Variants in CLTCL1 observed in about 807,000 individuals in gnomAD.
The protein encoded by CLTCL1 is clathrin heavy chain like 1.
Under a neutral mutation model 190.0 loss-of-function variants are expected in CLTCL1, and 159 were observed. That is an observed-to-expected ratio of 0.84 (90% CI 0.74 to 0.95). CLTCL1 has a LOEUF of 0.95. Among genes scored for constraint, CLTCL1 ranks in the 40% least tolerant of loss-of-function variants. The pLI is 0.00. For synonymous variants in CLTCL1, 752 were observed against 769.6 expected (o/e 0.98, Z 0.38); for missense variants, 1,878 against 2,033.4 (o/e 0.92, Z 1.47).
rs556244512 is a variant in CLTCL1, at chr22:19,180,659, G to C, written c.4903+72C>G. ...CCATCCCCATCCAAAGCCCAGCCAG[G>C]TAAGGGCAGTGGGACTTTGACTCCC... On this transcript the variant is annotated intron_variant, in intron 31 of 32. Coordinates refer to ENST00000427926, the MANE Select transcript of CLTCL1 (RefSeq NM_007098.4). 5.2e-5 allele frequency: 78 copies of C among 1,488,892 alleles called. No individual in the cohort carries two copies. In the South Asian group the frequency reaches 7.6e-4, roughly 15 times the overall value. The allele number at this position is 1,488,892 out of a possible 1,614,324, so 92.2% of individuals were successfully genotyped here.
At chr22:19,289,533 GCT>G (rs1292694847) in intron 1 of CLTCL1, among the ~76,000 whole-genome samples, 2 of 152,162 alleles carry the variant, frequency 1.3e-5, no homozygotes, top group Admixed American at 1.3e-4. Context: ...CACTAAAGCA[GCT>G]CTTTCATGAC....
In CLTCL1 at chr22:19,187,541, G is replaced by A. The variant is rs1555928900; in HGVS notation, c.4605+17C>T. The A allele has an allele frequency of 6.9e-6, 11 of 1,596,880 alleles. No individual in the cohort carries two copies. Among genetic ancestry groups the A allele is most frequent in the South Asian group, 4.4e-5 (4 of 90,744 alleles). The stretch of plus-strand genomic sequence containing the variant: ...CCAAGGCAGGAAGGTGGGAGGAAAC[G>A]GGCCCAGGCCACCAACCTTGTAGAG... On this transcript the variant is annotated intron_variant, in intron 29 of 32. Transcript: ENST00000427926.
chr22:19,202,494 G>A (rs111429057), intron 22 of CLTCL1, among the ~76,000 whole-genome samples: 1 of 13,794 alleles, frequency 7.2e-5, no homozygotes, highest in African/African-American at 4.1e-4. Context: ...GGTACCTCCC[G>A]CACCACCCCT....
chr22:19,239,272 T>C lies in CLTCL1; in HGVS notation c.795+3A>G. 3.1e-6 allele frequency: 5 copies of C among 1,598,082 alleles called. No individual in the cohort carries two copies. Among genetic ancestry groups the C allele is most frequent in the Non-Finnish European group, 3.4e-6 (4 of 1,165,320 alleles). Reference sequence around the variant, plus strand: ...AGATGTTTAGAGAGCAGCACATTCGTACCTGCATAGCCACTGGAAAATCAT... The same window carrying C: ...AGATGTTTAGAGAGCAGCACATTCGCACCTGCATAGCCACTGGAAAATCAT... On this transcript the variant is annotated splice_donor_region_variant and intron_variant, in intron 5 of 32. Transcript: ENST00000427926.
chr22:19,187,027 G>A (rs1411579023), intron 29 of CLTCL1, among the ~76,000 whole-genome samples: 1 of 150,890 alleles, frequency 6.6e-6, no homozygotes, highest in African/African-American at 2.4e-5. Flanking sequence ...TGACTCCTGA[G>A]CTCAAGTGAT....
intron 30 of CLTCL1, chr22:19,181,064 G>C: frequency 1.9e-6 from 1 of 537,002 alleles, no homozygotes; most frequent in South Asian, 2.3e-5. Context: ...AGTGGGCACT[G>C]GGGCAGTCAG....
chr22:19,224,116 C>T, intron 13 of CLTCL1, 62 bp from the exon 14 acceptor site: 1 of 1,567,774 alleles, frequency 6.4e-7, no homozygotes. Flanking sequence ...TCCGTAGCTG[C>T]TGCCCACCTT....
chr22:19,199,692 A>G, intron 24 of CLTCL1, 42 bp downstream of exon 24: 1 of 1,478,954 alleles, frequency 6.8e-7, no homozygotes. Flanking sequence ...GTGTTTAGGC[A>G]TCACTTGTCA....
At position 19,254,161 on chromosome 22, in the gene CLTCL1, T is replaced by C. The variant is rs782033332; in HGVS notation, c.317A>G (p.Glu106Gly). 18 of 1,613,840 alleles carry C rather than the reference T, an allele frequency of 1.1e-5. No individual in the cohort carries two copies. The East Asian group carries it at 3.8e-4, about 34-fold the overall frequency. ...AACCCATTTCCAGAAAATCACTTCT[T>C]CTGCCATAGTATGAGCCTTCATTTT... ...KSKMKAHTMA[E>G]EVIFWKWVSV... Residue 106 changes from glutamate to glycine, a missense_variant, in exon 3 of 33, where the codon GAA becomes GGA. By Grantham distance (98) the Glu-to-Gly change is moderately conservative. Coordinates refer to ENST00000427926, the MANE Select transcript of CLTCL1 (RefSeq NM_007098.4).
chr22:19,197,922 A>T (rs1339397399), intron 24 of CLTCL1, among the ~76,000 whole-genome samples: 5 of 152,260 alleles, frequency 3.3e-5, no homozygotes, highest in African/African-American at 1.2e-4. Context: ...ATGGATGTGG[A>T]TCACCTATAT....
At position 19,275,617 on chromosome 22, in the gene CLTCL1, G is replaced by T; in HGVS notation, c.250+6C>A. 6 of 1,594,612 alleles carry T rather than the reference G, an allele frequency of 3.8e-6. No individual in the cohort carries two copies. Among genetic ancestry groups the T allele is most frequent in the Non-Finnish European group, 5.1e-6 (6 of 1,169,424 alleles). ...GATTCCTTTCTAACAATCCCATCGG[G>T]TTTACCTTTCAGAGCTATCACCTTA... On this transcript the variant is annotated splice_donor_region_variant and intron_variant, in intron 2 of 32. Coordinates refer to ENST00000427926, the MANE Select transcript of CLTCL1 (RefSeq NM_007098.4).
Position 19,289,343 on chromosome 22 carries a change from A to G in CLTCL1, c.42+2257T>C, listed in dbSNP as rs575576601. On this transcript the variant is annotated intron_variant, in intron 1 of 32. Coordinates refer to ENST00000427926, the MANE Select transcript of CLTCL1 (RefSeq NM_007098.4). ...CAGCCTGCTTTTGTATGGCTAAACT[A>G]AAAGTCTTTTTCATATTTTTAGAAG... Among the ~76,000 whole-genome samples the G allele has an allele frequency of 2.0e-5, 3 of 152,318 alleles. No homozygotes were observed. In the East Asian group the frequency reaches 5.8e-4, roughly 29 times the overall value.
At chr22:19,267,853 C>A (rs2087170559) in intron 2 of CLTCL1, among the ~76,000 whole-genome samples, 1 of 151,848 alleles carries the variant, frequency 6.6e-6, no homozygotes, top group Non-Finnish European at 1.5e-5. Context: ...CAAGATTGCG[C>A]CCCTGCACTC....
rs1339366425 is a variant in CLTCL1, at chr22:19,275,762, G to C, written c.111C>G (p.Phe37Leu). The C allele has an allele frequency of 3.1e-6, 5 of 1,609,926 alleles. No individual in the cohort carries two copies. The highest frequency in any genetic ancestry group is 4.2e-6 in the Non-Finnish European group (5 of 1,178,216). ...CACCAACTTTCTCTCGGATACATAT[G>C]AACTTGTCAGATTCCATGGTCAGTG... ...FSTLTMESDK[F>L]ICIREKVGEQ... The change falls in exon 2 of 33, where the codon TTC becomes TTG. Residue 37 changes from phenylalanine (F) to leucine (L), a missense_variant. Physicochemically the swap from Phe to Leu is conservative, Grantham distance 22. Transcript: ENST00000427926.
At chr22:19,254,878 T>C (rs1398838214) in intron 2 of CLTCL1, among the ~76,000 whole-genome samples, 2 of 152,240 alleles carry the variant, frequency 1.3e-5, no homozygotes, top group East Asian at 1.9e-4. Flanking sequence ...AATAGGGCAG[T>C]ACAATTCTAG....
At position 19,291,717 on chromosome 22, in the gene CLTCL1, G is replaced by A; in HGVS notation, c.-76C>T. 2 of 1,283,338 alleles carry A rather than the reference G, an allele frequency of 1.6e-6. No individual in the cohort carries two copies. Among genetic ancestry groups the A allele is most frequent in the Non-Finnish European group, 2.0e-6 (2 of 1,006,976 alleles). 79.5% of individuals were successfully genotyped at this position (1,283,338 alleles called of 1,614,324 possible). A position where few individuals can be genotyped will look rare whatever the true frequency, so the allele number is the denominator to read the frequency against. On this transcript the variant is annotated 5_prime_UTR_variant, in exon 1 of 33. Transcript: ENST00000427926. The stretch of plus-strand genomic sequence containing the variant: ...CGACCCCTCGCGCGGGCTGACCGGT[G>A]GCGACGGCGCAGGCGCAGTGCCCCG...
At chr22:19,183,782 G>C in intron 29 of CLTCL1, 171 bp from the exon 30 acceptor site, 1 of 659,792 alleles carries the variant, frequency 1.5e-6, no homozygotes. Flanking sequence ...CTGCCCACTG[G>C]TGAAACGGAG....
chr22:19,189,817 T>G (rs2084431401), intron 27 of CLTCL1, among the ~76,000 whole-genome samples: 2 of 152,384 alleles, frequency 1.3e-5, no homozygotes, highest in South Asian at 4.1e-4. Flanking sequence ...GCATATGTAA[T>G]ATTTTGATAC....
Position 19,191,368 on chromosome 22 carries a change from T to C in CLTCL1, c.4259A>G (p.Asn1420Ser), listed in dbSNP as rs376828114. ...FYLDYKPLLI[N>S]DLLLVLSPRL... is the part of the protein sequence containing the mutation. Reference sequence around the variant, plus strand: ...GGGTGAAAGCACCAGCAGCAGGTCATTGATGAGCAGTGGTTTGTAATCCAA... The same window carrying C: ...GGGTGAAAGCACCAGCAGCAGGTCACTGATGAGCAGTGGTTTGTAATCCAA... Residue 1420 changes from asparagine to serine, a missense_variant, in exon 27 of 33, where the codon AAT (asparagine) becomes AGT (serine). By Grantham distance (46) the Asn-to-Ser change is conservative. Transcript: ENST00000427926. 21 of 1,613,858 alleles carry C rather than the reference T, an allele frequency of 1.3e-5. No individual in the cohort carries two copies. Among genetic ancestry groups the C allele is most frequent in the East Asian group, 8.9e-5 (4 of 44,890 alleles).
Sources: gnomAD v4.1 joint callset for allele counts (sites outside exome capture counted in the v4.1 genomes callset) on GRCh38, gnomAD v4.1.1 for gene constraint, MANE v1.5 for transcripts, NCBI Gene and HGNC (gene_info 2026-07-23, HGNC 2026-07-21) for gene names.